OR52E4: variants seen among roughly 807,000 people sequenced by gnomAD.
The protein encoded by OR52E4 is olfactory receptor family 52 subfamily E member 4.
For missense variants in OR52E4, 444 were observed against 383.8 expected, an observed-to-expected ratio of 1.16 and a Z score of -1.31; for synonymous variants, 169 against 137.4, an observed-to-expected ratio of 1.23 and a Z score of -1.61.
At chr11:5,883,816 A>C (rs1846997127) in intron 1 of OR52E4, among the ~76,000 whole-genome samples, 1 of 151,966 alleles carries the variant, frequency 6.6e-6, no homozygotes, top group South Asian at 2.1e-4. Context: ...AATGAGAGTG[A>C]GAATGGCTAA....
chr11:5,881,550 G>A (rs188925239), intron 1 of OR52E4, among the ~76,000 whole-genome samples: 247 of 152,102 alleles, frequency 1.6e-3, no homozygotes, highest in African/African-American at 5.3e-3. Context: ...TCTTCACTTT[G>A]GCCTCTTCTG....
Position 5,884,747 on chromosome 11 carries a change from G to A in OR52E4, c.455G>A (p.Gly152Glu). 6.2e-7 allele frequency: 1 copy of A among 1,613,608 alleles called. No individual in the cohort carries two copies. Among genetic ancestry groups the A allele is most frequent in the Non-Finnish European group, 8.5e-7 (1 of 1,179,760 alleles). ...AGTATCCTAGCTTCTGTGGTTGTTG[G>A]AAGAAATTTAGTTCTTGTAACCCCA... Reference protein sequence around the residue: ...TISILASVVVGRNLVLVTPFV... With the variant: ...TISILASVVVERNLVLVTPFV... Residue 152 changes from glycine to glutamate, a missense_variant, in exon 2 of 2, where the codon GGA becomes GAA. Coordinates refer to ENST00000641726, the MANE Select transcript of OR52E4 (RefSeq NM_001005165.2).
chr11:5,885,581 A>C lies in OR52E4; in HGVS notation c.*350A>C. 5.6e-6 allele frequency: 1 copy of C among 177,510 alleles called. No homozygotes were observed. Among genetic ancestry groups the C allele is most frequent in the South Asian group, 1.8e-4 (1 of 5,540 alleles). 11.0% of individuals were successfully genotyped at this position (177,510 alleles called of 1,614,324 possible). ...GTTTAGATCCTGAAGGATACTGATCAAATAAATCTCATTTTATAGATGAAC... is the reference window on the plus strand; with the variant it reads ...GTTTAGATCCTGAAGGATACTGATCCAATAAATCTCATTTTATAGATGAAC... On this transcript the variant is annotated 3_prime_UTR_variant, in exon 2 of 2. Transcript: ENST00000641726.
intron 1 of OR52E4, among the ~76,000 whole-genome samples, chr11:5,882,923 A>C (rs12796739): frequency 0.38 from 58,425 of 151,896 alleles, 11,557 homozygotes; most frequent in Non-Finnish European, 0.43. Flanking sequence ...TACATGCATA[A>C]ATATTATACA....
At chr11:5,882,860 C>A (rs1485225259) in intron 1 of OR52E4, among the ~76,000 whole-genome samples, 2 of 151,934 alleles carry the variant, frequency 1.3e-5, no homozygotes, top group Non-Finnish European at 2.9e-5. Flanking sequence ...CAATGATTAC[C>A]CCTGGTTCTC....
chr11:5,883,967 A>C (rs1039106323), intron 1 of OR52E4, among the ~76,000 whole-genome samples: 25 of 152,120 alleles, frequency 1.6e-4, no homozygotes, highest in African/African-American at 6.0e-4. Context: ...TACTTAGGAA[A>C]GTAATGGAAG....
chr11:5,885,110 T>C lies in OR52E4; in HGVS notation c.818T>C (p.Ile273Thr), dbSNP rs1248166666. 1.2e-6 allele frequency: 2 copies of C among 1,613,354 alleles called. No homozygotes were observed. The highest frequency in any genetic ancestry group is 2.2e-5 in the South Asian group (2 of 91,078). The change falls in exon 2 of 2, where the codon ATC (isoleucine) becomes ACC (threonine). Residue 273 changes from isoleucine to threonine, a missense_variant. Coordinates refer to ENST00000641726, the MANE Select transcript of OR52E4 (RefSeq NM_001005165.2). ...TTTGGCCAAAACATTCCCCACTATA[T>C]CCATATTCTTTTGGCTAACCTGTAT... The part of the protein sequence containing the change: ...HRFGQNIPHY[I>T]HILLANLYVV...
rs2134279042 is a variant in OR52E4 at position 5,886,394 on chromosome 11, G to A, written c.*1163G>A. The A allele has an allele frequency of 6.6e-6, 1 of 152,058 alleles. No individual in the cohort carries two copies. Among genetic ancestry groups the A allele is most frequent in the South Asian group, 2.1e-4 (1 of 4,810 alleles). 9.4% of individuals were successfully genotyped at this position (152,058 alleles called of 1,614,324 possible). A position where few individuals can be genotyped will look rare whatever the true frequency, so the allele number is the denominator to read the frequency against. ...CTTGAAGCAAAGTCATTTTAGATGT[G>A]ACTACTTGTATGTGTCGCCTGTCTA... On this transcript the variant is annotated 3_prime_UTR_variant, in exon 2 of 2. Coordinates refer to ENST00000641726, the MANE Select transcript of OR52E4 (RefSeq NM_001005165.2).
intron 1 of OR52E4, among the ~76,000 whole-genome samples, chr11:5,882,148 T>C (rs1846971314): frequency 6.6e-6 from 1 of 152,068 alleles, no homozygotes; most frequent in South Asian, 2.1e-4. Context: ...AAAAATGATC[T>C]TGAGGTTATT....
In OR52E4 at chr11:5,884,502, G is replaced by C; in HGVS notation, c.210G>C (p.Met70Ile). Reference sequence around the variant, plus strand: ...TCTACTTCCTGGCCATGTTGTCTATGATTGATCTGGGTCTGTCCACATCCA... The same window carrying C: ...TCTACTTCCTGGCCATGTTGTCTATCATTGATCTGGGTCTGTCCACATCCA... The part of the protein sequence containing the change: ...PMFYFLAMLS[M>I]IDLGLSTSTI... Residue 70 changes from methionine (M) to isoleucine (I), a missense_variant, in exon 2 of 2, where the codon ATG (methionine) becomes ATC (isoleucine). Transcript: ENST00000641726. The C allele has an allele frequency of 1.9e-6, 3 of 1,613,478 alleles. No individual in the cohort carries two copies. The highest frequency in any genetic ancestry group is 2.5e-6 in the Non-Finnish European group (3 of 1,179,662).
rs1298816110 is a variant in OR52E4, at chr11:5,886,180, T to G, written c.*949T>G. The stretch of plus-strand genomic sequence containing the variant: ...GTTAATACTTAATTCCCCCTTTGTG[T>G]GTGTGTGTATGTGTACACACACACA... On this transcript the variant is annotated 3_prime_UTR_variant, in exon 2 of 2. Coordinates refer to ENST00000641726, the MANE Select transcript of OR52E4 (RefSeq NM_001005165.2). 8.3e-6 allele frequency: 1 copy of G among 120,168 alleles called. No individual in the cohort carries two copies. The highest frequency in any genetic ancestry group is 1.7e-5 in the Non-Finnish European group (1 of 59,612). The allele number at this position is 120,168 out of a possible 1,614,324, so 7.4% of individuals were successfully genotyped here.
In OR52E4 at chr11:5,886,944, T is replaced by G. The variant is rs1349765; in HGVS notation, c.*1713T>G. 0.8 allele frequency: 121,912 copies of G among 152,000 alleles called. 48,970 individuals carry two copies. The highest frequency in any genetic ancestry group is 0.83 in the East Asian group (4,260 of 5,132). The allele number at this position is 152,000 out of a possible 1,614,324, so 9.4% of individuals were successfully genotyped here. A position where few individuals can be genotyped will look rare whatever the true frequency, so the allele number is the denominator to read the frequency against. ...TTCTATAGTATTTTGTAGATTTTCT[T>G]TAGGTCTGTATGCATGGGTTCTAAT... On this transcript the variant is annotated 3_prime_UTR_variant, in exon 2 of 2. Transcript: ENST00000641726.
At position 5,884,340 on chromosome 11, in the gene OR52E4, G is replaced by GCT; in HGVS notation, c.49_50dup (p.Gly18Ter). The GCT allele has an allele frequency of 6.2e-7, 1 of 1,612,786 alleles. No individual in the cohort carries two copies. Among genetic ancestry groups the GCT allele is most frequent in the Non-Finnish European group, 8.5e-7 (1 of 1,179,258 alleles). ...ACTTCTATCCCCCCTTCTTCCTCCT[G>GCT]CTAGGAATACCAGGACTGGACACTT... On this transcript the variant is annotated frameshift_variant, in exon 2 of 2. Coordinates refer to ENST00000641726, the MANE Select transcript of OR52E4 (RefSeq NM_001005165.2). LOFTEE classifies it low-confidence loss of function (END_TRUNC).
chr11:5,881,217 G>A lies in OR52E4; in HGVS notation c.-75+503G>A, dbSNP rs1590392493. ...TTATTCTCTGTTTCCCTCATTGTCT[G>A]AGTGAATTTAATGTTGCCAGTTGTA... On this transcript the variant is annotated intron_variant, in intron 1 of 1. Coordinates refer to ENST00000641726, the MANE Select transcript of OR52E4 (RefSeq NM_001005165.2). Among the ~76,000 whole-genome samples the A allele has an allele frequency of 3.9e-5, 6 of 152,212 alleles. 1 individual carries two copies. The highest frequency in any genetic ancestry group is 8.8e-5 in the Non-Finnish European group (6 of 67,998).
At position 5,886,908 on chromosome 11, in the gene OR52E4, C is replaced by A. The variant is rs1847051911; in HGVS notation, c.*1677C>A. On this transcript the variant is annotated 3_prime_UTR_variant, in exon 2 of 2. Transcript: ENST00000641726. ...TCTTGGTCTTAACACTGGCTAAGCA[C>A]AATTCCTGAATTCTATAGTATTTTG... 6.6e-6 allele frequency: 1 copy of A among 152,142 alleles called. No homozygotes were observed. The highest frequency in any genetic ancestry group is 1.5e-5 in the Non-Finnish European group (1 of 68,020). The allele number at this position is 152,142 out of a possible 1,614,324, so 9.4% of individuals were successfully genotyped here.
At chr11:5,883,447 C>T (rs1846991290) in intron 1 of OR52E4, among the ~76,000 whole-genome samples, 1 of 151,858 alleles carries the variant, frequency 6.6e-6, no homozygotes, top group South Asian at 2.1e-4. Flanking sequence ...TAGTACTTCT[C>T]CTTTGTACTA....
In OR52E4 at chr11:5,884,727, C is replaced by G; in HGVS notation, c.435C>G (p.Ile145Met). 6.2e-7 allele frequency: 1 copy of G among 1,613,612 alleles called. No homozygotes were observed. The highest frequency in any genetic ancestry group is 8.5e-7 in the Non-Finnish European group (1 of 1,179,750). ...TMILTNKTISILASVVVGRNL... is the reference protein window; with the variant it reads ...TMILTNKTISMLASVVVGRNL... ...TCCTCACCAATAAAACCATCAGTAT[C>G]CTAGCTTCTGTGGTTGTTGGAAGAA... Residue 145 changes from isoleucine to methionine, a missense_variant, in exon 2 of 2, where the codon ATC becomes ATG. By Grantham distance (10) the Ile-to-Met change is conservative. Transcript: ENST00000641726.
chr11:5,884,861 C>T lies in OR52E4; in HGVS notation c.569C>T (p.Ala190Val), dbSNP rs1408160971. ...YCEHRGLAGL[A>V]CAPIKINIIY... ...GAGCACAGGGGTCTGGCCGGGTTGG[C>T]CTGTGCACCCATTAAGATCAACATA... The change falls in exon 2 of 2, where the codon GCC becomes GTC. Residue 190 changes from alanine (A) to valine (V), a missense_variant. Ala to Val is a moderately conservative substitution (Grantham distance 64). Coordinates refer to ENST00000641726, the MANE Select transcript of OR52E4 (RefSeq NM_001005165.2). The T allele has an allele frequency of 6.2e-7, 1 of 1,613,296 alleles. No individual in the cohort carries two copies.
intron 1 of OR52E4, 45 bp from the exon 2 acceptor site, chr11:5,884,174 A>T: frequency 1.4e-6 from 1 of 716,978 alleles, no homozygotes; most frequent in African/African-American, 1.8e-5. Context: ...AACCACCTAT[A>T]CCATTACCTC....
Sources: gnomAD v4.1 joint callset for allele counts (sites outside exome capture counted in the v4.1 genomes callset) on GRCh38, gnomAD v4.1.1 for gene constraint, MANE v1.5 for transcripts, NCBI Gene and HGNC (gene_info 2026-07-23, HGNC 2026-07-21) for gene names.